Variants in FBXL14 observed in about 807,000 individuals in gnomAD.
FBXL14 encodes the protein F-box and leucine rich repeat protein 14.
Under a neutral mutation model 24.5 loss-of-function variants are expected in FBXL14, and 11 were observed. The observed-to-expected ratio is 0.45, with a 90% CI of 0.28 to 0.74. FBXL14 has a LOEUF of 0.74. FBXL14 is among the 30% of genes least tolerant of loss of function. The probability of loss-of-function intolerance (pLI) is 0.12; values close to 1 mark genes in which losing one functional copy is unlikely to be tolerated. For missense variants in FBXL14, 384 were observed against 545.6 expected (o/e 0.70, Z 2.95); for synonymous variants, 294 against 240.4 (o/e 1.22, Z -2.06).
chr12:1,578,786 GA>G lies in FBXL14; in HGVS notation c.1195-11977del, dbSNP rs2094460697. ...GCAGTGATTCAGGAGGGGTGTCCAT[GA>G]GGGGCGGCTTCGGAGCAGCTCTCCC... is the stretch of plus-strand genomic sequence containing the variant. On this transcript the variant is annotated intron_variant, in intron 1 of 1. Coordinates refer to ENST00000339235, the MANE Select transcript of FBXL14 (RefSeq NM_152441.3). 2.0e-5 allele frequency among the ~76,000 whole-genome samples: 3 copies of G among 152,252 alleles called. No individual in the cohort carries two copies. The South Asian group carries it at 6.2e-4, about 32-fold the overall frequency.
At chr12:1,582,204 GAA>G (rs1378381010) in intron 1 of FBXL14, among the ~76,000 whole-genome samples, 6 of 150,476 alleles carry the variant, frequency 4.0e-5, no homozygotes, top group East Asian at 2.0e-4. Flanking sequence ...AAGGAAGAAA[GAA>G]AGAGAAAGAA....
intron 1 of FBXL14, among the ~76,000 whole-genome samples, chr12:1,577,878 A>G (rs1423232784): frequency 3.3e-5 from 5 of 152,230 alleles, no homozygotes; most frequent in African/African-American, 1.2e-4. Context: ...CAGGGTAGAC[A>G]CGCTCTTGGA....
chr12:1,589,235 C>CAAAAA (rs34818174), intron 1 of FBXL14, among the ~76,000 whole-genome samples: 104 of 126,118 alleles, frequency 8.2e-4, no homozygotes, highest in African/African-American at 3.1e-3. Flanking sequence ...AAAAAAAATA[C>CAAAAA]AAAAAAAAAA....
chr12:1,578,738 C>A (rs888298243), intron 1 of FBXL14, among the ~76,000 whole-genome samples: 12 of 152,094 alleles, frequency 7.9e-5, no homozygotes, highest in African/African-American at 2.7e-4. Flanking sequence ...CGATGATAAG[C>A]AAAGAACTAA....
rs903042825 is a variant in FBXL14 at position 1,579,368 on chromosome 12, C to G, written c.1195-12558G>C. On this transcript the variant is annotated intron_variant, in intron 1 of 1. Coordinates refer to ENST00000339235, the MANE Select transcript of FBXL14 (RefSeq NM_152441.3). The surrounding 1 kb of genome is among the most constrained non-coding windows in gnomAD (Gnocchi z 4.3). ...CGGTGGCTCACGCCTGTAATCCCAGCACTTTGGGAGGCTGAGGTGGGTGGA... is the reference window on the plus strand; with the variant it reads ...CGGTGGCTCACGCCTGTAATCCCAGGACTTTGGGAGGCTGAGGTGGGTGGA... Among the ~76,000 whole-genome samples the G allele has an allele frequency of 3.3e-5, 5 of 152,080 alleles. No homozygotes were observed. The highest frequency in any genetic ancestry group is 1.2e-4 in the African/African-American group (5 of 41,418).
intron 1 of FBXL14, among the ~76,000 whole-genome samples, chr12:1,573,603 A>G (rs1421939510): frequency 2.0e-5 from 3 of 152,214 alleles, no homozygotes; most frequent in Non-Finnish European, 1.5e-5. Context: ...GGGAGGCTGC[A>G]CAGTGTTCAT....
chr12:1,580,235 T>C lies in FBXL14; in HGVS notation c.1194+12638A>G, dbSNP rs1456932878. ...TGAATGCCTCCAATCTTGCGGTGTA[T>C]GGACACAGAGCGAACGCTGCCCTCT... On this transcript the variant is annotated intron_variant, in intron 1 of 1. Coordinates refer to ENST00000339235, the MANE Select transcript of FBXL14 (RefSeq NM_152441.3). Among the ~76,000 whole-genome samples the C allele has an allele frequency of 2.0e-5, 3 of 152,216 alleles. No homozygotes were observed. In the East Asian group the frequency reaches 5.8e-4, roughly 29 times the overall value.
chr12:1,566,788 G>A lies in FBXL14; in HGVS notation c.1217C>T (p.Pro406Leu). 1.3e-6 allele frequency: 1 copy of A among 780,960 alleles called. No homozygotes were observed. The highest frequency in any genetic ancestry group is 2.4e-5 in the East Asian group (1 of 41,254). 48.4% of individuals were successfully genotyped at this position (780,960 alleles called of 1,614,324 possible). A position where few individuals can be genotyped will look rare whatever the true frequency, so the allele number is the denominator to read the frequency against. ...SEKEARGDFS[P>L]LFTVRTRGSS... Reference sequence around the variant, plus strand: ...TCCCCGAGTTCTCACAGTGAATAATGGAGAAAAATCCCCTCGTGCCTCCTG... The same window carrying A: ...TCCCCGAGTTCTCACAGTGAATAATAGAGAAAAATCCCCTCGTGCCTCCTG... Residue 406 changes from proline to leucine, a missense_variant, in exon 2 of 2, where the codon CCA becomes CTA. Pro to Leu is a moderately conservative substitution (Grantham distance 98). Coordinates refer to ENST00000339235, the MANE Select transcript of FBXL14 (RefSeq NM_152441.3).
intron 1 of FBXL14, among the ~76,000 whole-genome samples, chr12:1,572,846 C>T (rs544750330): frequency 1.3e-4 from 11 of 82,494 alleles, no homozygotes; most frequent in Admixed American, 3.0e-4. Flanking sequence ...AGGGCAGTGG[C>T]GGTGGAGGGG....
In FBXL14 at chr12:1,569,487, G is replaced by A. The variant is rs1247751431; in HGVS notation, c.1195-2677C>T. Among the ~76,000 whole-genome samples the A allele has an allele frequency of 1.3e-5, 2 of 149,776 alleles. No homozygotes were observed. Among genetic ancestry groups the A allele is most frequent in the Non-Finnish European group, 2.9e-5 (2 of 67,806 alleles). On this transcript the variant is annotated intron_variant, in intron 1 of 1. Coordinates refer to ENST00000339235, the MANE Select transcript of FBXL14 (RefSeq NM_152441.3). This position sits in a 1 kb window ranked among gnomAD's most constrained non-coding sequence, Gnocchi z 4.2. ...GCAATCTCGGCTCACTGCAAGCTCCGCTTCCCGGGTTCACGCCATTCTCCT... is the reference window on the plus strand; with the variant it reads ...GCAATCTCGGCTCACTGCAAGCTCCACTTCCCGGGTTCACGCCATTCTCCT...
intron 1 of FBXL14, among the ~76,000 whole-genome samples, chr12:1,586,539 G>A (rs934337092): frequency 1.3e-5 from 2 of 152,156 alleles, no homozygotes; most frequent in Non-Finnish European, 2.9e-5. Flanking sequence ...ACAGGGTGGT[G>A]CTTTGCAGTG....
In FBXL14 at chr12:1,593,437, C is replaced by T. The variant is rs755974732; in HGVS notation, c.630G>A (p.Gln210=). 6.2e-7 allele frequency: 1 copy of T among 1,614,074 alleles called. No homozygotes were observed. The highest frequency in any genetic ancestry group is 1.1e-5 in the South Asian group (1 of 91,086). The change falls in exon 1 of 2, where the codon CAG becomes CAA. Residue 210 remains glutamine (Q), a synonymous_variant. Coordinates refer to ENST00000339235, the MANE Select transcript of FBXL14 (RefSeq NM_152441.3). This position sits in a 1 kb window ranked among gnomAD's most constrained non-coding sequence, Gnocchi z 7.4. ...AAAGATCTGTGAGCTTCTGGCAGTC[C>T]TGTAGCGTGAGCTGCTCCAGGCCCA... ...GCLGLEQLTL[Q]DCQKLTDLSL... is the part of the protein sequence containing the mutation.
intron 1 of FBXL14, 67 bp downstream of exon 1, chr12:1,592,806 G>C (rs1320894912): frequency 1.5e-6 from 2 of 1,317,886 alleles, no homozygotes; most frequent in Non-Finnish European, 2.1e-6. Flanking sequence ...GAGTGTGTGG[G>C]GGCGGTGGTA....
rs192817573 is a variant in FBXL14 at position 1,569,460 on chromosome 12, C to G, written c.1195-2650G>C. ...CTGTCACCCAGGCTAGAGTGCAGTGCCGCAATCTCGGCTCACTGCAAGCTC... is the reference window on the plus strand; with the variant it reads ...CTGTCACCCAGGCTAGAGTGCAGTGGCGCAATCTCGGCTCACTGCAAGCTC... On this transcript the variant is annotated intron_variant, in intron 1 of 1. Coordinates refer to ENST00000339235, the MANE Select transcript of FBXL14 (RefSeq NM_152441.3). This position sits in a 1 kb window ranked among gnomAD's most constrained non-coding sequence, Gnocchi z 4.2. Among the ~76,000 whole-genome samples the G allele has an allele frequency of 0.027, 4,052 of 151,126 alleles. 94 individuals carry two copies. Among genetic ancestry groups the G allele is most frequent in the Middle Eastern group, 0.069 (20 of 290 alleles).
intron 1 of FBXL14, among the ~76,000 whole-genome samples, chr12:1,577,450 A>C (rs2094458109): frequency 6.6e-6 from 1 of 152,096 alleles, no homozygotes; most frequent in Non-Finnish European, 1.5e-5. Context: ...GGACTTATGT[A>C]TTATTTTAAA....
In FBXL14 at chr12:1,579,796, C is replaced by T. The variant is rs1016263414; in HGVS notation, c.1195-12986G>A. Among the ~76,000 whole-genome samples, 19 of 152,090 alleles carry T rather than the reference C, an allele frequency of 1.2e-4. No individual in the cohort carries two copies. The highest frequency in any genetic ancestry group is 3.9e-4 in the Admixed American group (6 of 15,270). On this transcript the variant is annotated intron_variant, in intron 1 of 1. Transcript: ENST00000339235. This position sits in a 1 kb window ranked among gnomAD's most constrained non-coding sequence, Gnocchi z 4.3. ...TGAGTTTAGGAATTTGTAGTCATTT[C>T]CTTTTTACTGGGTATTTGCATACAT...
chr12:1,583,482 TA>T (rs2094470790), intron 1 of FBXL14, among the ~76,000 whole-genome samples: 1 of 152,206 alleles, frequency 6.6e-6, no homozygotes, highest in Non-Finnish European at 1.5e-5. Flanking sequence ...ACCTCACTGA[TA>T]TTTTAAAATT....
rs1455644341 is a variant in FBXL14 at position 1,569,886 on chromosome 12, G to A, written c.1195-3076C>T. Among the ~76,000 whole-genome samples, 1 of 152,182 alleles carries A rather than the reference G, an allele frequency of 6.6e-6. No individual in the cohort carries two copies. Among genetic ancestry groups the A allele is most frequent in the Non-Finnish European group, 1.5e-5 (1 of 68,030 alleles). The stretch of plus-strand genomic sequence containing the variant: ...TCACACAGAGCCAAGGGAGGGCAGG[G>A]CGCACCACATGCCCACTGCAGAGCC... On this transcript the variant is annotated intron_variant, in intron 1 of 1. Coordinates refer to ENST00000339235, the MANE Select transcript of FBXL14 (RefSeq NM_152441.3). This position sits in a 1 kb window ranked among gnomAD's most constrained non-coding sequence, Gnocchi z 4.2.
chr12:1,594,145 C>T lies in FBXL14; in HGVS notation c.-79G>A, dbSNP rs1457753496. 36 of 1,150,156 alleles carry T rather than the reference C, an allele frequency of 3.1e-5. No individual in the cohort carries two copies. The highest frequency in any genetic ancestry group is 4.1e-5 in the South Asian group (1 of 24,266). 71.2% of individuals were successfully genotyped at this position (1,150,156 alleles called of 1,614,324 possible). A position where few individuals can be genotyped will look rare whatever the true frequency, so the allele number is the denominator to read the frequency against. On this transcript the variant is annotated 5_prime_UTR_variant, in exon 1 of 2. Transcript: ENST00000339235. The stretch of plus-strand genomic sequence containing the variant: ...TCCGGCCTCGGGCAGGCGACGAGAG[C>T]GCTTCTCCCCAGCCGCCGCCGCCGC...
Sources: gnomAD v4.1 joint callset for allele counts (sites outside exome capture counted in the v4.1 genomes callset) on GRCh38, gnomAD v4.1.1 for gene constraint, Gnocchi (gnomAD v3.1) non-coding constraint, MANE v1.5 for transcripts, NCBI Gene and HGNC (gene_info 2026-07-23, HGNC 2026-07-21) for gene names.